The following ARL10 variants were observed in gnomAD, a reference collection of about 807,000 sequenced individuals.
ARL10 encodes ADP-ribosylation factor-like protein 10.
In ARL10, 23 loss-of-function variants were observed where a neutral mutation model predicts 26.1. The ratio of observed to expected loss-of-function variants is 0.88; its 90% CI spans 0.63 to 1.25. The LOEUF is 1.25. ARL10 is among the 50% of genes most tolerant of loss of function. The probability of loss-of-function intolerance (pLI) is 0.00; values close to 1 mark genes in which losing one functional copy is unlikely to be tolerated. For synonymous variants in ARL10, 138 were observed against 149.1 expected (o/e 0.93, Z 0.54); for missense variants, 300 against 323.6 (o/e 0.93, Z 0.56).
chr5:176,409,045 C>T, the ARL10 span, among the ~76,000 whole-genome samples: 856 of 152,190 alleles, frequency 5.6e-3, 9 homozygotes, highest in African/African-American at 0.019. Flanking sequence ...GGCGTGATCT[C>T]GGCTCACCGC....
downstream of ARL10, chr5:176,406,722 G>A: frequency 7.8e-7 from 1 of 1,281,564 alleles, no homozygotes; most frequent in Non-Finnish European, 1.0e-6. Context: ...CAGAAAAGAG[G>A]AAGAAAGGAA....
At chr5:176,371,236 G>C (rs12517427) in intron 3 of ARL10, among the ~76,000 whole-genome samples, 12 of 151,950 alleles carry the variant, frequency 7.9e-5, no homozygotes, top group African/African-American at 1.9e-4. Flanking sequence ...TTAGCCAGGC[G>C]TGGTGGCTCA....
chr5:176,396,624 C>G (rs535983644), intron 1 of ARL10: 12 of 853,674 alleles, frequency 1.4e-5, no homozygotes, highest in African/African-American at 3.3e-5. Context: ...GAGAGAGAGA[C>G]AGCATTAGTA....
rs1561773895 is a variant in ARL10, at chr5:176,371,246, A to ATG, written c.562-476_562-475insTG. ...AAAAATTAGCCAGGCGTGGTGGCTC[A>ATG]CACCTGTAGTCCCAGCTACTAGGGA... is the stretch of plus-strand genomic sequence containing the variant. On this transcript the variant is annotated intron_variant, in intron 3 of 3. Coordinates refer to ENST00000310389, the MANE Select transcript of ARL10 (RefSeq NM_173664.6). 6.4e-3 allele frequency among the ~76,000 whole-genome samples: 971 copies of ATG among 152,152 alleles called. 7 individuals are homozygous for ATG. The highest frequency in any genetic ancestry group is 0.022 in the African/African-American group (899 of 41,552).
chr5:176,394,814 T>TA lies in ARL10; in HGVS notation c.134-6913dup, dbSNP rs78767071. On this transcript the variant is annotated intron_variant, in intron 1 of 1. Transcript: ENST00000514533. ...TGGGTGACAGAGCAAGACTCCGTCT[T>TA]AAAAAAAAAAAAAAGTTTGAGAAGC... Among the ~76,000 whole-genome samples the TA allele has an allele frequency of 3.7e-3, 530 of 143,476 alleles. 2 individuals are homozygous for TA. The highest frequency in any genetic ancestry group is 0.011 in the African/African-American group (415 of 38,800). The allele number at this position is 143,476 out of a possible 152,430, so 94.1% of individuals were successfully genotyped here. A position where few individuals can be genotyped will look rare whatever the true frequency, so the allele number is the denominator to read the frequency against.
At chr5:176,383,832 A>G, downstream of ARL10, 1 of 702,540 alleles carries the variant, frequency 1.4e-6, no homozygotes, top group East Asian at 2.7e-5. Flanking sequence ...AGAGCAAGTG[A>G]ACGTAGCACT....
rs1412918366 is a variant in ARL10, at chr5:176,368,854, G to A, written c.433G>A (p.Glu145Lys). 1.4e-5 allele frequency: 22 copies of A among 1,614,126 alleles called. No homozygotes were observed. Among genetic ancestry groups the A allele is most frequent in the East Asian group, 2.2e-5 (1 of 44,876 alleles). The change falls in exon 3 of 4, where the codon GAG becomes AAG. Residue 145 changes from glutamate to lysine, a missense_variant. Transcript: ENST00000310389. The surrounding 1 kb of genome is among the most constrained non-coding windows in gnomAD (Gnocchi z 4.1). ...LRFYWKEFVSEVDVLVFVVDS... is the reference protein window; with the variant it reads ...LRFYWKEFVSKVDVLVFVVDS... ...CTTCTACTGGAAGGAGTTTGTGAGCGAGGTGGATGTGCTGGTGTTTGTGGT... is the reference window on the plus strand; with the variant it reads ...CTTCTACTGGAAGGAGTTTGTGAGCAAGGTGGATGTGCTGGTGTTTGTGGT...
downstream of ARL10, chr5:176,385,225 T>C (rs564105798): frequency 2.5e-6 from 4 of 1,593,478 alleles, no homozygotes; most frequent in East Asian, 6.7e-5. Flanking sequence ...GCTCACCTTA[T>C]AGTCCTCCCC....
At position 176,380,078 on chromosome 5, in the gene ARL10, C is replaced by T. The variant is rs1325990829; in HGVS notation, c.*8183C>T. 1 of 152,182 alleles carries T rather than the reference C, an allele frequency of 6.6e-6. No individual in the cohort carries two copies. Among genetic ancestry groups the T allele is most frequent in the Admixed American group, 6.5e-5 (1 of 15,276 alleles). The allele number at this position is 152,182 out of a possible 1,614,324, so 9.4% of individuals were successfully genotyped here. On this transcript the variant is annotated 3_prime_UTR_variant, in exon 4 of 4. Coordinates refer to ENST00000310389, the MANE Select transcript of ARL10 (RefSeq NM_173664.6). Reference sequence around the variant, plus strand: ...CAGGCTGGTTGACTAGAGAGTCTCACTTTGTAAGGCATTTGTCCAACTTCC... The same window carrying T: ...CAGGCTGGTTGACTAGAGAGTCTCATTTTGTAAGGCATTTGTCCAACTTCC...
At chr5:176,403,152 C>T (rs1283761192), downstream of ARL10, among the ~76,000 whole-genome samples, 2 of 150,420 alleles carry the variant, frequency 1.3e-5, no homozygotes, top group African/African-American at 2.5e-5. Context: ...TGGGTTCAAG[C>T]GATTCTCCTG....
At chr5:176,388,652 GTAGTCCT>G, downstream of ARL10, 1 of 1,343,356 alleles carries the variant, frequency 7.4e-7, no homozygotes, top group Non-Finnish European at 1.0e-6. Flanking sequence ...TTGGGGAAAT[GTAGTCCT>G]TTTGTAGCAC....
intron 1 of ARL10, chr5:176,398,113 G>T: frequency 7.0e-7 from 1 of 1,427,668 alleles, no homozygotes; most frequent in Non-Finnish European, 9.9e-7. Flanking sequence ...TGCTGCCCCT[G>T]CTGGGGACCC....
chr5:176,399,311 T>C (rs1030193170), intron 1 of ARL10, among the ~76,000 whole-genome samples: 10 of 152,212 alleles, frequency 6.6e-5, no homozygotes, highest in Non-Finnish European at 4.4e-5. Context: ...AGCATGATCA[T>C]AGCTCAGATC....
At chr5:176,408,319 A>G in the ARL10 span, among the ~76,000 whole-genome samples, 1 of 151,396 alleles carries the variant, frequency 6.6e-6, no homozygotes, top group African/African-American at 2.4e-5. Context: ...GGATCACTTG[A>G]AGGTCAGGAG....
chr5:176,399,396 T>C (rs914342790), intron 1 of ARL10, among the ~76,000 whole-genome samples: 1 of 152,154 alleles, frequency 6.6e-6, no homozygotes, highest in African/African-American at 2.4e-5. Flanking sequence ...CTATGAAATG[T>C]TTGTAAGGCC....
downstream of ARL10, among the ~76,000 whole-genome samples, chr5:176,402,253 G>A (rs1366267296): frequency 2.6e-5 from 4 of 152,142 alleles, no homozygotes; most frequent in African/African-American, 7.2e-5. Flanking sequence ...AGCCGAGATC[G>A]TGCCACTGTA....
intron 1 of ARL10, chr5:176,388,100 G>C: frequency 1.5e-6 from 1 of 646,944 alleles, no homozygotes; most frequent in Non-Finnish European, 2.7e-6. Flanking sequence ...TCAGTTGAGC[G>C]TTCTGACTGT....
At chr5:176,369,148 C>T (rs1184512385) in intron 3 of ARL10, 166 bp downstream of exon 3, 1 of 1,534,876 alleles carries the variant, frequency 6.5e-7, no homozygotes, top group Non-Finnish European at 8.7e-7. Flanking sequence ...TGTCTTCCTT[C>T]CTCTTTGCCT....
intron 3 of ARL10, among the ~76,000 whole-genome samples, chr5:176,371,354 G>A (rs1362753405): frequency 6.6e-6 from 1 of 152,206 alleles, no homozygotes; most frequent in East Asian, 1.9e-4. Context: ...CTGCACTCCA[G>A]CCTGGGTGAC....
Sources: allele counts gnomAD v4.1 joint callset (sites outside exome capture counted in the v4.1 genomes callset), GRCh38; gene constraint gnomAD v4.1.1; non-coding constraint Gnocchi (gnomAD v3.1); transcripts MANE v1.5; gene names NCBI Gene and HGNC (gene_info 2026-07-23, HGNC 2026-07-21).